The following SCN9A variants were observed in gnomAD, a reference collection of about 807,000 sequenced individuals.
The protein encoded by SCN9A is sodium voltage-gated channel alpha subunit 9.
SCN9A carries 131 observed loss-of-function variants against 187.0 expected under a neutral mutation model. The observed-to-expected ratio is 0.70, with a 90% CI of 0.61 to 0.81. The LOEUF (loss-of-function observed/expected upper bound fraction) is 0.81. Ranked by LOEUF, SCN9A falls within the 30% of genes least tolerant of loss-of-function variation. SCN9A has a pLI of 0.00. For synonymous variants in SCN9A, 809 were observed against 808.6 expected, an observed-to-expected ratio of 1.00 and a Z score of -0.01; for missense variants, 2,252 against 2,396.6, an observed-to-expected ratio of 0.94 and a Z score of 1.26.
intron 18 of SCN9A, among the ~76,000 whole-genome samples, chr2:166,243,631 T>C (rs1192326388): frequency 6.6e-6 from 1 of 151,622 alleles, no homozygotes; most frequent in Non-Finnish European, 1.5e-5. Context: ...TTTAAACCAG[T>C]TTAGAATTGT....
chr2:166,357,191 C>A (rs984513795), intron 1 of SCN9A, among the ~76,000 whole-genome samples: 2 of 152,194 alleles, frequency 1.3e-5, no homozygotes, highest in African/African-American at 4.8e-5. Context: ...TTAGCTCTCA[C>A]TTATAAGTGA....
intron 16 of SCN9A, among the ~76,000 whole-genome samples, chr2:166,274,885 A>T (rs1697164060): frequency 2.0e-5 from 3 of 152,214 alleles, no homozygotes; most frequent in African/African-American, 4.8e-5. Context: ...GTCTCAATCT[A>T]GAACTCTTTC....
chr2:166,331,183 A>G (rs1034501755), intron 1 of SCN9A, among the ~76,000 whole-genome samples: 1 of 152,094 alleles, frequency 6.6e-6, no homozygotes, highest in Non-Finnish European at 1.5e-5. Flanking sequence ...ACTTCCCTTC[A>G]TTTTTGGCTT....
Position 166,208,388 on chromosome 2 carries a change from C to CTT in SCN9A, c.4399-3926_4399-3925dup, listed in dbSNP as rs539407971. On this transcript the variant is annotated intron_variant, in intron 24 of 26. Coordinates refer to ENST00000642356, the MANE Select transcript of SCN9A (RefSeq NM_001365536.1). ...AAATTGAGGTAATGCATGAAGAATA[C>CTT]TTAGCATAATATCTGGCACATGGTA... Among the ~76,000 whole-genome samples the CTT allele has an allele frequency of 1.2e-3, 185 of 152,280 alleles. 2 individuals are homozygous for CTT. The highest frequency in any genetic ancestry group is 2.1e-3 in the Non-Finnish European group (142 of 68,006).
chr2:166,237,487 G>C (rs1695369178), intron 20 of SCN9A, among the ~76,000 whole-genome samples: 1 of 152,014 alleles, frequency 6.6e-6, no homozygotes, highest in South Asian at 2.1e-4. Flanking sequence ...TGGAGATGAA[G>C]GGCAAGTCGC....
rs142231585 is a variant in SCN9A, at chr2:166,229,049, A to G, written c.3925-77T>C. On this transcript the variant is annotated intron_variant, in intron 21 of 26. Transcript: ENST00000642356. ...AGGCAACATGAAAGAAATGCCATGC[A>G]GACATAAATAAATTAGAAAAGCCGC... 1.3e-3 allele frequency: 1,543 copies of G among 1,179,062 alleles called. 3 individuals are homozygous for G. The highest frequency in any genetic ancestry group is 1.7e-3 in the Non-Finnish European group (1,408 of 828,800). The allele number at this position is 1,179,062 out of a possible 1,614,324, so 73.0% of individuals were successfully genotyped here.
chr2:166,308,925 C>CAAAAAA (rs397986566), intron 2 of SCN9A, among the ~76,000 whole-genome samples: 5 of 78,140 alleles, frequency 6.4e-5, no homozygotes, highest in Non-Finnish European at 9.7e-5. Context: ...GACTCTGTCT[C>CAAAAAA]AAAAAAAAAA....
rs1300201786 is a variant in SCN9A, at chr2:166,296,822, T to TAAAAATGGGAAAAAATTGAATGCAAAG, written c.902-2187_902-2161dup. On this transcript the variant is annotated intron_variant, in intron 7 of 26. Transcript: ENST00000642356. ...CAAGAAGATTTAAGGTTAACATCTTTAAAAATGGGAAAAAATTGAATGCAA... is the reference window on the plus strand; with the variant it reads ...CAAGAAGATTTAAGGTTAACATCTTTAAAAATGGGAAAAAATTGAATGCAAAGAAAAATGGGAAAAAATTGAATGCAA... 1.8e-4 allele frequency among the ~76,000 whole-genome samples: 27 copies of TAAAAATGGGAAAAAATTGAATGCAAAG among 152,256 alleles called. No homozygotes were observed. The East Asian group carries it at 5.0e-3, about 28-fold the overall frequency.
intron 17 of SCN9A, among the ~76,000 whole-genome samples, chr2:166,264,984 T>C (rs1696669276): frequency 6.6e-6 from 1 of 151,970 alleles, no homozygotes; most frequent in Non-Finnish European, 1.5e-5. Context: ...TGTGATAGTT[T>C]GATACATGTA....
chr2:166,200,108 C>T (rs1398204402), intron 26 of SCN9A, among the ~76,000 whole-genome samples: 1 of 144,336 alleles, frequency 6.9e-6, no homozygotes, highest in Non-Finnish European at 1.5e-5. Flanking sequence ...CGCCATTCTC[C>T]TGCCTCAGCC....
intron 24 of SCN9A, among the ~76,000 whole-genome samples, chr2:166,224,293 G>A (rs1449069595): frequency 1.3e-5 from 2 of 152,014 alleles, no homozygotes; most frequent in African/African-American, 2.4e-5. Context: ...CTTTATAAAT[G>A]TAAAATGGAA....
intron 10 of SCN9A, 96 bp from the exon 11 acceptor site, chr2:166,286,719 G>A (rs1697766128): frequency 2.2e-6 from 2 of 892,786 alleles, no homozygotes; most frequent in Non-Finnish European, 1.6e-6. Flanking sequence ...ATAACAACAT[G>A]GTGCATATAA....
At chr2:166,360,210 ACT>A (rs1353523558) in intron 1 of SCN9A, among the ~76,000 whole-genome samples, 5 of 128,614 alleles carry the variant, frequency 3.9e-5, no homozygotes, top group African/African-American at 1.3e-4. Context: ...CAAGAGCGAA[ACT>A]CTGTCTCAAA....
chr2:166,281,459 C>G (rs58651307), intron 13 of SCN9A, among the ~76,000 whole-genome samples: 6,286 of 152,012 alleles, frequency 0.041, 390 homozygotes, highest in African/African-American at 0.13. Context: ...GTCATTTTTG[C>G]CATGTTATCA....
At chr2:166,301,872 A>T (rs1459696105) in intron 7 of SCN9A, 2 of 151,078 alleles carry the variant, frequency 1.3e-5, no homozygotes, top group African/African-American at 5.0e-5. Context: ...ATTCCTCATC[A>T]AATGGTGGTA....
At chr2:166,336,927 T>C (rs954495461) in intron 1 of SCN9A, among the ~76,000 whole-genome samples, 5 of 152,096 alleles carry the variant, frequency 3.3e-5, no homozygotes, top group Non-Finnish European at 7.4e-5. Flanking sequence ...GACTATTTCC[T>C]TAACAAAGAA....
chr2:166,292,491 C>T (rs563577292), intron 9 of SCN9A, among the ~76,000 whole-genome samples: 5 of 150,944 alleles, frequency 3.3e-5, no homozygotes, highest in African/African-American at 7.3e-5. Flanking sequence ...ATAATATTCT[C>T]GGAAATAAAG....
intron 21 of SCN9A, among the ~76,000 whole-genome samples, chr2:166,230,879 T>C (rs1261764238): frequency 6.6e-6 from 1 of 152,110 alleles, no homozygotes; most frequent in Non-Finnish European, 1.5e-5. Flanking sequence ...CAGGCACCTA[T>C]TGGTCTGATG....
chr2:166,271,756 G>A (rs1235278337), intron 17 of SCN9A, among the ~76,000 whole-genome samples: 1 of 152,014 alleles, frequency 6.6e-6, no homozygotes, highest in Non-Finnish European at 1.5e-5. Context: ...AACTCAGGAG[G>A]TGGAGGCAGG....
Sources: allele counts gnomAD v4.1 joint callset (sites outside exome capture counted in the v4.1 genomes callset), GRCh38; gene constraint gnomAD v4.1.1; transcripts MANE v1.5; gene names NCBI Gene and HGNC (gene_info 2026-07-23, HGNC 2026-07-21).